The following VAV1 variants were observed in gnomAD, a reference collection of about 807,000 sequenced individuals.
The protein encoded by VAV1 is vav guanine nucleotide exchange factor 1.
In VAV1, 33 loss-of-function variants were observed where a neutral mutation model predicts 128.1. The observed-to-expected ratio is 0.26, with a 90% confidence interval of 0.20 to 0.34. VAV1 has a LOEUF of 0.34. VAV1 is among the 10% of genes least tolerant of loss of function. The probability of loss-of-function intolerance (pLI) is 1.00; values close to 1 mark genes in which losing one functional copy is unlikely to be tolerated. For synonymous variants in VAV1, 394 were observed against 409.8 expected, an observed-to-expected ratio of 0.96 and a Z score of 0.47; for missense variants, 715 against 1,093.7, an observed-to-expected ratio of 0.65 and a Z score of 4.88.
At chr19:6,782,855 C>T (rs916166112) in intron 1 of VAV1, among the ~76,000 whole-genome samples, 1 of 151,500 alleles carries the variant, frequency 6.6e-6, no homozygotes, top group African/African-American at 2.4e-5. Flanking sequence ...TGCAGTCCAG[C>T]CCGGGTGACA....
rs1450002606 is a variant in VAV1, at chr19:6,822,789, A to G, written c.654+275A>G. Among the ~76,000 whole-genome samples the G allele has an allele frequency of 6.8e-6, 1 of 147,864 alleles. No homozygotes were observed. Among genetic ancestry groups the G allele is most frequent in the South Asian group, 2.1e-4 (1 of 4,806 alleles). Reference sequence around the variant, plus strand: ...CCAAAAACAAACAAAATAAATACAAAATCAAAAATATATAAATATATTAAA... The same window carrying G: ...CCAAAAACAAACAAAATAAATACAAGATCAAAAATATATAAATATATTAAA... On this transcript the variant is annotated intron_variant, in intron 6 of 26. Coordinates refer to ENST00000602142, the MANE Select transcript of VAV1 (RefSeq NM_005428.4). The surrounding 1 kb of genome is among the most constrained non-coding windows in gnomAD (Gnocchi z 5.9).
At position 6,777,497 on chromosome 19, in the gene VAV1, G is replaced by A. The variant is rs568677916; in HGVS notation, c.204+4486G>A. 4.5e-4 allele frequency among the ~76,000 whole-genome samples: 68 copies of A among 152,330 alleles called. No homozygotes were observed. The highest frequency in any genetic ancestry group is 1.5e-3 in the African/African-American group (61 of 41,578). Reference sequence around the variant, plus strand: ...CAGGGTATGAGGGGGGCACTTTGACGAGGAGGGCTAGTGGTAAGGTGACAT... The same window carrying A: ...CAGGGTATGAGGGGGGCACTTTGACAAGGAGGGCTAGTGGTAAGGTGACAT... On this transcript the variant is annotated intron_variant, in intron 1 of 26. Coordinates refer to ENST00000602142, the MANE Select transcript of VAV1 (RefSeq NM_005428.4). This position sits in a 1 kb window ranked among gnomAD's most constrained non-coding sequence, Gnocchi z 4.4.
intron 1 of VAV1, among the ~76,000 whole-genome samples, chr19:6,789,077 G>C (rs1459656091): frequency 6.6e-6 from 1 of 152,182 alleles, no homozygotes; most frequent in Admixed American, 6.5e-5. Flanking sequence ...ATTGCCAAAT[G>C]TCCCCTGGGA....
chr19:6,788,401 C>T (rs1970943268), intron 1 of VAV1, among the ~76,000 whole-genome samples: 1 of 150,358 alleles, frequency 6.7e-6, no homozygotes, highest in Non-Finnish European at 1.5e-5. Flanking sequence ...GAGACTGAGT[C>T]TTGCTCTGTT....
chr19:6,817,642 C>A lies in VAV1; in HGVS notation c.205-3060C>A, dbSNP rs988061261. ...GAAGCAAAACTAAGGGGATAGAAAA[C>A]GCCGGAGTAGGGGTGTGGGATTTTA... is the stretch of plus-strand genomic sequence containing the variant. On this transcript the variant is annotated intron_variant, in intron 1 of 26. Transcript: ENST00000602142. Among the ~76,000 whole-genome samples the A allele has an allele frequency of 2.0e-5, 3 of 152,066 alleles. No homozygotes were observed. In the East Asian group the frequency reaches 5.8e-4, roughly 29 times the overall value.
chr19:6,804,138 C>T (rs1971333302), intron 1 of VAV1, among the ~76,000 whole-genome samples: 1 of 151,964 alleles, frequency 6.6e-6, no homozygotes, highest in Admixed American at 6.6e-5. Context: ...CTCTATGACA[C>T]TATAATAGTG....
rs536732209 is a variant in VAV1, at chr19:6,829,945, G to C, written c.1398+27G>C. ...TGGGGCTTTGACGCCGGAACTATGG[G>C]GTCCTCCACGCAGTCGGCAGCTTAG... On this transcript the variant is annotated intron_variant, in intron 14 of 26. Transcript: ENST00000602142. The C allele has an allele frequency of 2.5e-6, 4 of 1,613,684 alleles. No homozygotes were observed. The Admixed American group carries it at 6.7e-5, about 27-fold the overall frequency.
At chr19:6,843,220 C>T in intron 22 of VAV1, 54 bp downstream of exon 22, 1 of 1,606,080 alleles carries the variant, frequency 6.2e-7, no homozygotes, top group Non-Finnish European at 8.5e-7. Flanking sequence ...GTTGGGGTTC[C>T]AGGCTGGGTA....
chr19:6,810,634 G>C (rs1356931236), intron 1 of VAV1, among the ~76,000 whole-genome samples: 1 of 152,128 alleles, frequency 6.6e-6, no homozygotes, highest in South Asian at 2.1e-4. Context: ...GAACCCAGGA[G>C]GCGGAGGTTG....
At chr19:6,813,321 C>T (rs1050846399) in intron 1 of VAV1, among the ~76,000 whole-genome samples, 18 of 152,278 alleles carry the variant, frequency 1.2e-4, no homozygotes, top group African/African-American at 3.4e-4. Flanking sequence ...ACATGGTCGC[C>T]GGTGAGTGGT....
intron 1 of VAV1, among the ~76,000 whole-genome samples, chr19:6,809,913 G>T (rs1599643542): frequency 6.6e-6 from 1 of 152,162 alleles, no homozygotes; most frequent in African/African-American, 2.4e-5. Context: ...GCTCATGCCT[G>T]TAATACCAGC....
At chr19:6,792,303 C>T (rs529384272) in intron 1 of VAV1, among the ~76,000 whole-genome samples, 2 of 151,384 alleles carry the variant, frequency 1.3e-5, no homozygotes, top group East Asian at 2.0e-4. Context: ...CTCACATTTT[C>T]ATTGAGGAGG....
chr19:6,852,983 C>T lies in VAV1; in HGVS notation c.2236C>T (p.Gln746Ter). Residue 746 changes from glutamine (Q) to a stop codon, truncating the protein, a stop_gained, in exon 25 of 27, where the codon CAG becomes TAG. Coordinates refer to ENST00000602142, the MANE Select transcript of VAV1 (RefSeq NM_005428.4). LOFTEE classifies it high-confidence loss of function. Reference protein sequence around the residue: ...RGLTELVEFYQQNSLKDCFKS... With the variant: ...RGLTELVEFY Reference sequence around the variant, plus strand: ...CTTCTAGGAGCTGGTGGAGTTTTACCAGCAGAACTCTCTAAAGGATTGCTT... The same window carrying T: ...CTTCTAGGAGCTGGTGGAGTTTTACTAGCAGAACTCTCTAAAGGATTGCTT... 6.2e-7 allele frequency: 1 copy of T among 1,610,226 alleles called. No individual in the cohort carries two copies. Among genetic ancestry groups the T allele is most frequent in the Non-Finnish European group, 8.5e-7 (1 of 1,177,538 alleles).
chr19:6,828,703 A>G lies in VAV1; in HGVS notation c.1174A>G (p.Asn392Asp). 6.2e-7 allele frequency: 1 copy of G among 1,614,172 alleles called. No homozygotes were observed. The highest frequency in any genetic ancestry group is 8.5e-7 in the Non-Finnish European group (1 of 1,180,014). Reference sequence around the variant, plus strand: ...CACCAATTTCCAGCTGTCCATTGAGAACCTGGTGAGGCGGTGGAGCCGGGT... The same window carrying G: ...CACCAATTTCCAGCTGTCCATTGAGGACCTGGTGAGGCGGTGGAGCCGGGT... ...QITNFQLSIE[N>D]LDQSLAHYGR... The change falls in exon 12 of 27, where the codon AAC becomes GAC. Residue 392 changes from asparagine (N) to aspartate (D), a missense_variant. Around this residue, in one of 3 missense-constraint regions of VAV1, gnomAD observed 407 missense variants for 580.6 expected, o/e 0.70. Coordinates refer to ENST00000602142, the MANE Select transcript of VAV1 (RefSeq NM_005428.4). This position sits in a 1 kb window ranked among gnomAD's most constrained non-coding sequence, Gnocchi z 4.5.
In VAV1 at chr19:6,853,029, T is replaced by G; in HGVS notation, c.2282T>G (p.Leu761Trp). 6.2e-7 allele frequency: 1 copy of G among 1,611,870 alleles called. No individual in the cohort carries two copies. Among genetic ancestry groups the G allele is most frequent in the Non-Finnish European group, 8.5e-7 (1 of 1,178,598 alleles). The change falls in exon 25 of 27, where the codon TTG (leucine) becomes TGG (tryptophan). Residue 761 changes from leucine to tryptophan, a missense_variant. Leu to Trp is a moderately conservative substitution (Grantham distance 61). Transcript: ENST00000602142. ...TGCTTCAAGTCTCTGGACACCACCT[T>G]GCAGTTCCCCTTCAAGGAGCCTGAA... ...KDCFKSLDTT[L>W]QFPFKEPEKR... is the part of the protein sequence containing the mutation.
At chr19:6,775,062 G>A (rs564844181) in intron 1 of VAV1, among the ~76,000 whole-genome samples, 7 of 151,998 alleles carry the variant, frequency 4.6e-5, no homozygotes, top group South Asian at 4.2e-4. Flanking sequence ...CACCATGCCC[G>A]GCCCTTCTGT....
At position 6,821,418 on chromosome 19, in the gene VAV1, A is replaced by AAAAG. The variant is rs1379095035; in HGVS notation, c.322-190_322-187dup. Among the ~76,000 whole-genome samples the AAAAG allele has an allele frequency of 3.9e-5, 6 of 152,106 alleles. No homozygotes were observed. In the East Asian group the frequency reaches 5.8e-4, roughly 15 times the overall value. On this transcript the variant is annotated intron_variant, in intron 2 of 26. Transcript: ENST00000602142. ...TCCGTTAAAAAAAATACTAAAATAT[A>AAAAG]AAAGAAAGAAAGAAAGATAGGAGCA...
At chr19:6,818,426 G>A (rs564827435) in intron 1 of VAV1, among the ~76,000 whole-genome samples, 29 of 152,066 alleles carry the variant, frequency 1.9e-4, no homozygotes, top group East Asian at 1.5e-3. Context: ...CTTCCTCCTC[G>A]CCCACTCTAA....
At chr19:6,850,616 G>C in intron 23 of VAV1, 54 bp from the exon 24 acceptor site, 1 of 1,574,678 alleles carries the variant, frequency 6.4e-7, no homozygotes, top group Non-Finnish European at 8.7e-7. Context: ...CTGGGGCTTG[G>C]TGGGGAATGG....
Sources: gnomAD v4.1 joint callset for allele counts (sites outside exome capture counted in the v4.1 genomes callset) on GRCh38, gnomAD v4.1.1 for gene constraint, gnomAD v4.1.1 regional missense constraint, Gnocchi (gnomAD v3.1) non-coding constraint, MANE v1.5 for transcripts, NCBI Gene and HGNC (gene_info 2026-07-23, HGNC 2026-07-21) for gene names.